The following ANKRD30B variants were observed in gnomAD, a reference collection of about 807,000 sequenced individuals.
ANKRD30B encodes ankyrin repeat domain 30B.
ANKRD30B carries 144 observed loss-of-function variants against 202.2 expected under a neutral mutation model. The ratio of observed to expected loss-of-function variants is 0.71; its 90% CI spans 0.62 to 0.82. ANKRD30B has a LOEUF of 0.82. ANKRD30B is among the 40% of genes least tolerant of loss of function. The pLI is 0.00. For synonymous variants in ANKRD30B, 508 were observed against 561.3 expected (o/e 0.91, Z 1.34); for missense variants, 1,487 against 1,669.1 (o/e 0.89, Z 1.90).
chr18:14,909,836 T>A, the ANKRD30B span: 4 of 152,212 alleles, frequency 2.6e-5, no homozygotes, highest in Admixed American at 1.3e-4. Flanking sequence ...GTTGTTAGAC[T>A]GCAAAGCACA....
intron 15 of ANKRD30B, among the ~76,000 whole-genome samples, chr18:14,788,921 G>A (rs1968275161): frequency 6.6e-6 from 1 of 152,222 alleles, no homozygotes; most frequent in African/African-American, 2.4e-5. Flanking sequence ...GTAATGGGAT[G>A]ACTGGGTCAA....
At chr18:14,776,197 T>C (rs1020733321) in intron 9 of ANKRD30B, among the ~76,000 whole-genome samples, 2 of 152,186 alleles carry the variant, frequency 1.3e-5, no homozygotes, top group Admixed American at 1.3e-4. Context: ...TTTCAATATT[T>C]TGACCTGGAG....
At chr18:14,882,786 C>T in the ANKRD30B span, among the ~76,000 whole-genome samples, 15 of 151,906 alleles carry the variant, frequency 9.9e-5, no homozygotes, top group East Asian at 1.9e-3. Context: ...TTTGGGAGCT[C>T]CAGTGTTAGG....
At chr18:14,860,410 ACCTCCC>A in the ANKRD30B span, among the ~76,000 whole-genome samples, 1 of 124,560 alleles carries the variant, frequency 8.0e-6, no homozygotes, top group South Asian at 2.9e-4. Flanking sequence ...GGCGCTCCTC[ACCTCCC>A]AGATGGGGCA....
chr18:14,873,440 A>C, the ANKRD30B span, among the ~76,000 whole-genome samples: 18 of 149,668 alleles, frequency 1.2e-4, no homozygotes, highest in African/African-American at 4.4e-4. Context: ...CAGGAGAATC[A>C]CTTGAACCTG....
chr18:14,803,598 CAT>C lies in ANKRD30B; in HGVS notation c.2194-135_2194-134del, dbSNP rs1238901415. ...TATCAGAATGTTTTGGGTTTCAACA[CAT>C]GTCTGCTCTTAAGTCGAATTCCTTG... On this transcript the variant is annotated intron_variant, in intron 23 of 43. Coordinates refer to ENST00000690538, the MANE Select transcript of ANKRD30B (RefSeq NM_001367607.2). The C allele has an allele frequency of 2.3e-5, 24 of 1,060,836 alleles. No homozygotes were observed. The African/African-American group carries it at 2.5e-4, about 11-fold the overall frequency. 65.7% of individuals were successfully genotyped at this position (1,060,836 alleles called of 1,614,324 possible).
chr18:14,885,712 C>T, the ANKRD30B span, among the ~76,000 whole-genome samples: 1 of 152,108 alleles, frequency 6.6e-6, no homozygotes, highest in Non-Finnish European at 1.5e-5. Context: ...TTACCTCCAG[C>T]ATCCCTTCTC....
rs1218049758 is a variant in ANKRD30B, at chr18:14,798,147, A to G, written c.2029+293A>G. ...CAGCAGGTTGAGAAATAATAGACAC[A>G]GACAAGATAGTGAAAGCTGTGTCCA... is the stretch of plus-strand genomic sequence containing the variant. On this transcript the variant is annotated intron_variant, in intron 20 of 43. Coordinates refer to ENST00000690538, the MANE Select transcript of ANKRD30B (RefSeq NM_001367607.2). Among the ~76,000 whole-genome samples, 8 of 151,910 alleles carry G rather than the reference A, an allele frequency of 5.3e-5. No individual in the cohort carries two copies. The East Asian group carries it at 1.6e-3, about 30-fold the overall frequency.
chr18:14,909,219 ACTCTGT>A, the ANKRD30B span, among the ~76,000 whole-genome samples: 1 of 152,040 alleles, frequency 6.6e-6, no homozygotes, highest in Non-Finnish European at 1.5e-5. Flanking sequence ...ACAGGGCTGA[ACTCTGT>A]GCTTGTTAAG....
intron 5 of ANKRD30B, among the ~76,000 whole-genome samples, chr18:14,759,980 A>T (rs1914997929): frequency 6.6e-6 from 1 of 152,198 alleles, no homozygotes; most frequent in African/African-American, 2.4e-5. Context: ...GGGCTCAAGC[A>T]ATCCCCCTGT....
chr18:14,816,708 A>G (rs1157880704), intron 30 of ANKRD30B: 1 of 152,134 alleles, frequency 6.6e-6, no homozygotes, highest in East Asian at 1.9e-4. Flanking sequence ...ACTTGGAACC[A>G]AACCAAATGT....
downstream of ANKRD30B, among the ~76,000 whole-genome samples, chr18:14,855,249 A>G (rs1972047473): frequency 6.6e-6 from 1 of 152,246 alleles, no homozygotes; most frequent in Non-Finnish European, 1.5e-5. Flanking sequence ...ACAGCATCCC[A>G]AGGCAGAAGA....
At chr18:14,794,020 C>A (rs995768198) in intron 16 of ANKRD30B, among the ~76,000 whole-genome samples, 33 of 152,082 alleles carry the variant, frequency 2.2e-4, no homozygotes, top group African/African-American at 7.5e-4. Flanking sequence ...AGTGTATGTC[C>A]TACTTCACGC....
At chr18:14,900,464 A>G in the ANKRD30B span, among the ~76,000 whole-genome samples, 2 of 152,108 alleles carry the variant, frequency 1.3e-5, no homozygotes, top group Admixed American at 6.5e-5. Flanking sequence ...TTCTTGTCAT[A>G]TCTTTGCCCC....
chr18:14,766,481 AAAAAAAAAAAAAAAAAG>A (rs1916195907), intron 7 of ANKRD30B, among the ~76,000 whole-genome samples: 1 of 145,608 alleles, frequency 6.9e-6, no homozygotes, highest in African/African-American at 2.5e-5. Flanking sequence ...TCAAAAAAAA[AAAAAAAAAAAAAAAAAG>A]AAAAGAAAAG....
At chr18:14,775,752 G>A (rs755780942) in intron 9 of ANKRD30B, among the ~76,000 whole-genome samples, 1 of 152,256 alleles carries the variant, frequency 6.6e-6, no homozygotes, top group South Asian at 2.1e-4. Context: ...GATAGCAAAG[G>A]CCTCACCAGT....
At chr18:14,816,966 G>A (rs1291733604) in intron 30 of ANKRD30B, 2 of 152,198 alleles carry the variant, frequency 1.3e-5, no homozygotes, top group Admixed American at 1.3e-4. Flanking sequence ...CTGTTGTGGG[G>A]TTGGAGGAGG....
chr18:14,900,175 G>A, the ANKRD30B span, among the ~76,000 whole-genome samples: 2 of 152,112 alleles, frequency 1.3e-5, no homozygotes, highest in Admixed American at 6.5e-5. Context: ...GAAATGGTGA[G>A]TTTTAATTCA....
intron 16 of ANKRD30B, among the ~76,000 whole-genome samples, chr18:14,792,253 G>A (rs1298725255): frequency 6.6e-6 from 1 of 152,158 alleles, no homozygotes; most frequent in Non-Finnish European, 1.5e-5. Flanking sequence ...GTAGCAAGAT[G>A]AGAGACCTTT....
Sources: gnomAD v4.1 joint callset for allele counts (sites outside exome capture counted in the v4.1 genomes callset) on GRCh38, gnomAD v4.1.1 for gene constraint, MANE v1.5 for transcripts, NCBI Gene and HGNC (gene_info 2026-07-23, HGNC 2026-07-21) for gene names.